GPC6: variants seen among roughly 807,000 people sequenced by gnomAD.
The protein encoded by GPC6 is glypican 6.
Under a neutral mutation model 55.2 loss-of-function variants are expected in GPC6, and 14 were observed. That is an observed-to-expected ratio of 0.25 (90% CI 0.17 to 0.40). GPC6 has a LOEUF of 0.40. Ranked by LOEUF, GPC6 falls within the 10% of genes least tolerant of loss-of-function variation. The pLI, the probability that GPC6 is intolerant of heterozygous loss-of-function variation, is 1.00. For missense variants in GPC6, 641 were observed against 708.5 expected (o/e 0.90, Z 1.08); for synonymous variants, 278 against 259.6 (o/e 1.07, Z -0.68).
intron 2 of GPC6, among the ~76,000 whole-genome samples, chr13:93,816,776 T>C (rs991689906): frequency 6.6e-6 from 1 of 152,150 alleles, no homozygotes; most frequent in Non-Finnish European, 1.5e-5. Context: ...ATCGTTATTA[T>C]ATATTTTGAT....
intron 3 of GPC6, among the ~76,000 whole-genome samples, chr13:93,893,098 C>T (rs1481857537): frequency 6.8e-6 from 1 of 146,128 alleles, no homozygotes; most frequent in Non-Finnish European, 1.5e-5. Context: ...TTTCTCTCAT[C>T]GCCCAGGCTG....
chr13:94,099,498 G>A (rs563294160), intron 4 of GPC6, among the ~76,000 whole-genome samples: 1 of 152,222 alleles, frequency 6.6e-6, no homozygotes, highest in African/African-American at 2.4e-5. Context: ...TAGGCAATAA[G>A]CTAATCCCCC....
At chr13:94,162,039 AATT>A (rs1210105806) in intron 4 of GPC6, among the ~76,000 whole-genome samples, 1 of 152,164 alleles carries the variant, frequency 6.6e-6, no homozygotes, top group Non-Finnish European at 1.5e-5. Context: ...CCCATGATTC[AATT>A]ATTTCCCACT....
At chr13:93,329,693 G>A (rs1879773000) in intron 1 of GPC6, among the ~76,000 whole-genome samples, 1 of 152,066 alleles carries the variant, frequency 6.6e-6, no homozygotes, top group Admixed American at 6.6e-5. Context: ...GGTCCCTTAT[G>A]GTAGTCTTCC....
At chr13:93,828,177 C>G (rs1236787479) in intron 2 of GPC6, among the ~76,000 whole-genome samples, 1 of 152,060 alleles carries the variant, frequency 6.6e-6, no homozygotes, top group African/African-American at 2.4e-5. Flanking sequence ...GGCTGCAGAG[C>G]TCATGATTAG....
intron 7 of GPC6, among the ~76,000 whole-genome samples, chr13:94,393,564 C>A (rs1216826950): frequency 6.6e-6 from 1 of 152,160 alleles, no homozygotes; most frequent in Non-Finnish European, 1.5e-5. Flanking sequence ...ATTGCTTTCG[C>A]TTTACCCTTC....
chr13:93,661,665 G>T (rs1180084484), intron 2 of GPC6, among the ~76,000 whole-genome samples: 1 of 152,116 alleles, frequency 6.6e-6, no homozygotes, highest in Non-Finnish European at 1.5e-5. Context: ...AGAGAGAAAT[G>T]GGCTAAATGT....
chr13:94,241,918 C>A (rs1254860594), intron 4 of GPC6, among the ~76,000 whole-genome samples: 1 of 151,424 alleles, frequency 6.6e-6, no homozygotes. Flanking sequence ...TATTTTTATT[C>A]TTTTTTTATT....
intron 1 of GPC6, among the ~76,000 whole-genome samples, chr13:93,285,892 T>C (rs1378256051): frequency 6.6e-6 from 1 of 152,094 alleles, no homozygotes; most frequent in Admixed American, 6.6e-5. Context: ...CAAACTTACA[T>C]GAGAAATACA....
chr13:93,452,781 G>C (rs1878277398), intron 1 of GPC6, among the ~76,000 whole-genome samples: 1 of 152,050 alleles, frequency 6.6e-6, no homozygotes, highest in African/African-American at 2.4e-5. Flanking sequence ...TATTACATAT[G>C]GGCTAATGAT....
intron 2 of GPC6, among the ~76,000 whole-genome samples, chr13:93,592,114 T>A (rs1297076801): frequency 1.3e-5 from 2 of 152,032 alleles, no homozygotes; most frequent in African/African-American, 4.8e-5. Context: ...CAGCTCTGTT[T>A]AATATATTTG....
chr13:93,583,473 C>T (rs1356196274), intron 2 of GPC6, among the ~76,000 whole-genome samples: 1 of 151,988 alleles, frequency 6.6e-6, no homozygotes, highest in African/African-American at 2.4e-5. Context: ...TGCTGGAGTG[C>T]AGTGGCGCGA....
chr13:94,048,051 G>A (rs1883795232), intron 4 of GPC6, among the ~76,000 whole-genome samples: 1 of 151,786 alleles, frequency 6.6e-6, no homozygotes, highest in Non-Finnish European at 1.5e-5. Flanking sequence ...ATAACTCATG[G>A]TAAAAATTCC....
intron 6 of GPC6, among the ~76,000 whole-genome samples, chr13:94,349,958 T>A (rs1878459861): frequency 6.6e-6 from 1 of 151,902 alleles, no homozygotes; most frequent in Non-Finnish European, 1.5e-5. Context: ...ACAATTCGAG[T>A]TTGTTGACTG....
At chr13:94,213,337 A>G (rs1471055701) in intron 4 of GPC6, among the ~76,000 whole-genome samples, 1 of 152,212 alleles carries the variant, frequency 6.6e-6, no homozygotes, top group Non-Finnish European at 1.5e-5. Flanking sequence ...ATCGTTCTCA[A>G]TTGGGCAGTT....
intron 1 of GPC6, among the ~76,000 whole-genome samples, chr13:93,398,346 A>G (rs555310379): frequency 6.6e-6 from 1 of 152,332 alleles, no homozygotes; most frequent in South Asian, 2.1e-4. Context: ...CTGGGGAGGC[A>G]AGTCTGCTCA....
upstream of GPC6, among the ~76,000 whole-genome samples, chr13:93,225,510 TTTTTTTTTTTTTGGTTTTGTTTTGTC>T (rs1875746649): frequency 5.0e-4 from 1 of 1,998 alleles, no homozygotes; most frequent in East Asian, 0.038. Flanking sequence ...TTTGTTTTGT[TTTTTTTTTTTTTGGTTTTGTTTTGTC>T]TTGACCTATG....
At chr13:93,950,943 A>G (rs891088523) in intron 3 of GPC6, among the ~76,000 whole-genome samples, 1 of 152,092 alleles carries the variant, frequency 6.6e-6, no homozygotes, top group African/African-American at 2.4e-5. Context: ...TGCACTAGAC[A>G]TTTCCCCTCT....
Position 93,615,021 on chromosome 13 carries a change from C to G in GPC6, c.319+69600C>G, listed in dbSNP as rs140495111. On this transcript the variant is annotated intron_variant, in intron 2 of 8. Coordinates refer to ENST00000377047, the MANE Select transcript of GPC6 (RefSeq NM_005708.5). ...TATGAATAAGGTCCTGGATTCCTCA[C>G]ACATTTCCAAGTGCAGACTCCAGCT... is the stretch of plus-strand genomic sequence containing the variant. Among the ~76,000 whole-genome samples the G allele has an allele frequency of 3.9e-5, 6 of 152,210 alleles. No homozygotes were observed. In the East Asian group the frequency reaches 9.7e-4, roughly 25 times the overall value.
Sources: gnomAD v4.1 joint callset for allele counts (sites outside exome capture counted in the v4.1 genomes callset) on GRCh38, gnomAD v4.1.1 for gene constraint, MANE v1.5 for transcripts, NCBI Gene and HGNC (gene_info 2026-07-23, HGNC 2026-07-21) for gene names.